Variants in ADAM10 observed in about 807,000 individuals in gnomAD.
The protein encoded by ADAM10 is ADAM metallopeptidase domain 10.
ADAM10 carries 17 observed loss-of-function variants against 90.1 expected under a neutral mutation model. The ratio of observed to expected loss-of-function variants is 0.19; its 90% CI spans 0.13 to 0.28. The LOEUF (loss-of-function observed/expected upper bound fraction) is 0.28, where lower values mean the gene tolerates loss of function less well. Among genes scored for constraint, ADAM10 ranks in the 10% least tolerant of loss-of-function variants. The pLI is 1.00. For synonymous variants in ADAM10, 310 were observed against 298.6 expected, an observed-to-expected ratio of 1.04 and a Z score of -0.40; for missense variants, 610 against 914.3, an observed-to-expected ratio of 0.67 and a Z score of 4.29.
intron 2 of ADAM10, among the ~76,000 whole-genome samples, chr15:58,689,788 G>T (rs1897722522): frequency 6.6e-6 from 1 of 151,792 alleles, no homozygotes; most frequent in South Asian, 2.1e-4. Flanking sequence ...CCTATCTACT[G>T]AAGAAAATGA....
chr15:58,715,424 AAAAAAG>A (rs1898625939), intron 2 of ADAM10, among the ~76,000 whole-genome samples: 1 of 151,948 alleles, frequency 6.6e-6, no homozygotes, highest in Non-Finnish European at 1.5e-5. Flanking sequence ...CAAAAAAAAA[AAAAAAG>A]TACCCTAAAA....
At chr15:58,604,093 G>A (rs552839729) in intron 14 of ADAM10, among the ~76,000 whole-genome samples, 4 of 152,226 alleles carry the variant, frequency 2.6e-5, no homozygotes, top group African/African-American at 9.6e-5. Context: ...CGGGCACGGT[G>A]GCTCATGTCT....
chr15:58,698,998 T>C (rs1898056607), intron 2 of ADAM10, among the ~76,000 whole-genome samples: 1 of 152,106 alleles, frequency 6.6e-6, no homozygotes, highest in Admixed American at 6.5e-5. Context: ...CACATTATAG[T>C]CAAACTGTGA....
intron 11 of ADAM10, 88 bp from the exon 12 acceptor site, chr15:58,612,079 G>T: frequency 7.9e-7 from 1 of 1,259,984 alleles, no homozygotes; most frequent in Non-Finnish European, 1.1e-6. Flanking sequence ...CACATTATTA[G>T]ACATAGTACC....
chr15:58,742,270 C>A (rs907377090), intron 1 of ADAM10, among the ~76,000 whole-genome samples: 1 of 152,138 alleles, frequency 6.6e-6, no homozygotes, highest in African/African-American at 2.4e-5. Flanking sequence ...AACCAACTTA[C>A]TATGATTCGT....
chr15:58,708,985 T>C (rs1392516129), intron 2 of ADAM10, among the ~76,000 whole-genome samples: 2 of 152,222 alleles, frequency 1.3e-5, no homozygotes, highest in South Asian at 2.1e-4. Flanking sequence ...ACTGTATATA[T>C]GATGACCAAA....
intron 1 of ADAM10, among the ~76,000 whole-genome samples, chr15:58,731,933 G>T (rs1420091350): frequency 2.0e-5 from 3 of 152,200 alleles, no homozygotes; most frequent in African/African-American, 7.2e-5. Flanking sequence ...GAGACTTCTG[G>T]TTCACTGTAA....
At chr15:58,618,074 A>G (rs1434277897) in intron 11 of ADAM10, among the ~76,000 whole-genome samples, 1 of 151,966 alleles carries the variant, frequency 6.6e-6, no homozygotes, top group African/African-American at 2.4e-5. Context: ...ACAGAAGCCA[A>G]TAGCCAAAAG....
At chr15:58,646,576 C>G (rs1039916520) in intron 5 of ADAM10, among the ~76,000 whole-genome samples, 10 of 152,186 alleles carry the variant, frequency 6.6e-5, no homozygotes, top group Admixed American at 5.9e-4. Context: ...GGTATCTACC[C>G]ATTATCTCTG....
At chr15:58,650,102 C>A (rs1896648998) in intron 5 of ADAM10, among the ~76,000 whole-genome samples, 1 of 152,012 alleles carries the variant, frequency 6.6e-6, no homozygotes, top group Non-Finnish European at 1.5e-5. Flanking sequence ...TTTCAATTTT[C>A]TGCTAAAATT....
In ADAM10 at chr15:58,591,999, G is replaced by A. The variant is rs1894833624; in HGVS notation, c.*5548C>T. 1 of 152,150 alleles carries A rather than the reference G, an allele frequency of 6.6e-6. No individual in the cohort carries two copies. The highest frequency in any genetic ancestry group is 2.1e-4 in the South Asian group (1 of 4,830). The allele number at this position is 152,150 out of a possible 1,614,324, so 9.4% of individuals were successfully genotyped here. On this transcript the variant is annotated 3_prime_UTR_variant, in exon 16 of 16. Transcript: ENST00000260408. Reference sequence around the variant, plus strand: ...CTTTTCTCTTTGCATTTCTGTTGTTGAAGCAGGACCATATGTCTTGTAGTT... The same window carrying A: ...CTTTTCTCTTTGCATTTCTGTTGTTAAAGCAGGACCATATGTCTTGTAGTT...
chr15:58,740,281 G>T (rs899829677), intron 1 of ADAM10, among the ~76,000 whole-genome samples: 1 of 152,120 alleles, frequency 6.6e-6, no homozygotes. Context: ...CTGGTGGCAA[G>T]TGCCTGTAGT....
At chr15:58,617,812 GTAAGTT>G (rs765667293) in intron 11 of ADAM10, among the ~76,000 whole-genome samples, 8 of 150,440 alleles carry the variant, frequency 5.3e-5, no homozygotes, top group Middle Eastern at 6.9e-3. Context: ...AAAAAAAAGA[GTAAGTT>G]TAATAAACGC....
intron 1 of ADAM10, among the ~76,000 whole-genome samples, chr15:58,720,090 G>A (rs1318308571): frequency 6.6e-6 from 1 of 152,176 alleles, no homozygotes; most frequent in Non-Finnish European, 1.5e-5. Flanking sequence ...CATGAGCTAA[G>A]TAATTATTTA....
intron 2 of ADAM10, among the ~76,000 whole-genome samples, chr15:58,706,569 C>T (rs1198314262): frequency 4.6e-5 from 7 of 151,412 alleles, no homozygotes; most frequent in Non-Finnish European, 8.8e-5. Flanking sequence ...GTCATTTTTT[C>T]AAGTTATCAT....
chr15:58,721,785 T>C (rs571718364), intron 1 of ADAM10, among the ~76,000 whole-genome samples: 2 of 152,248 alleles, frequency 1.3e-5, no homozygotes, highest in Admixed American at 6.5e-5. Context: ...CCCAGCACTT[T>C]GGGAGGCTGA....
At chr15:58,674,604 T>C (rs1343742757) in intron 4 of ADAM10, among the ~76,000 whole-genome samples, 1 of 152,220 alleles carries the variant, frequency 6.6e-6, no homozygotes, top group Non-Finnish European at 1.5e-5. Context: ...TTCCTTCCTT[T>C]TGTCTCTCCC....
At chr15:58,696,316 T>C (rs1238142206) in intron 2 of ADAM10, among the ~76,000 whole-genome samples, 2 of 151,600 alleles carry the variant, frequency 1.3e-5, no homozygotes, top group Admixed American at 6.6e-5. Flanking sequence ...AAACATTGTA[T>C]GCTATACACC....
At chr15:58,731,051 C>T (rs1899219526) in intron 1 of ADAM10, among the ~76,000 whole-genome samples, 1 of 152,144 alleles carries the variant, frequency 6.6e-6, no homozygotes, top group South Asian at 2.1e-4. Context: ...CCTAATAAAT[C>T]CTCTCTCATG....
Sources: allele counts gnomAD v4.1 joint callset (sites outside exome capture counted in the v4.1 genomes callset), GRCh38; gene constraint gnomAD v4.1.1; transcripts MANE v1.5; gene names NCBI Gene and HGNC (gene_info 2026-07-23, HGNC 2026-07-21).